Variants in MIA observed in about 807,000 individuals in gnomAD.
MIA encodes melanoma-derived growth regulatory protein.
Under a neutral mutation model 18.5 loss-of-function variants are expected in MIA, and 18 were observed. The ratio of observed to expected loss-of-function variants is 0.97; its 90% CI spans 0.67 to 1.44. The LOEUF (loss-of-function observed/expected upper bound fraction) is 1.44, where lower values mean the gene tolerates loss of function less well. Ranked by LOEUF, MIA falls within the 40% of genes most tolerant of loss-of-function variation. The pLI is 0.00. For missense variants in MIA, 158 were observed against 172.4 expected, an observed-to-expected ratio of 0.92 and a Z score of 0.47; for synonymous variants, 55 against 64.9, an observed-to-expected ratio of 0.85 and a Z score of 0.74.
upstream of MIA, chr19:40,775,387 C>T (rs2145027475): frequency 8.6e-7 from 1 of 1,159,464 alleles, no homozygotes; most frequent in Non-Finnish European, 1.2e-6. Context: ...GTTCTGGTTT[C>T]ATAGCAACTT....
In MIA at chr19:40,775,822, G is replaced by A; in HGVS notation, c.198G>A (p.Arg66=). Residue 66 remains arginine (R), a synonymous_variant, in exon 2 of 4, where the codon CGG becomes CGA. Transcript: ENST00000263369. ...ACTGCCGATTCCTGACCATTCACCG[G>A]GGCCAAGTGGTGTATGTCTTCTCCA... ...APDCRFLTIH[R]GQVVYVFSKL... 6.2e-7 allele frequency: 1 copy of A among 1,614,072 alleles called. No homozygotes were observed. Among genetic ancestry groups the A allele is most frequent in the Non-Finnish European group, 8.5e-7 (1 of 1,180,018 alleles).
upstream of MIA, chr19:40,775,370 T>G: frequency 9.7e-7 from 1 of 1,028,476 alleles, no homozygotes; most frequent in Non-Finnish European, 1.4e-6. Context: ...ACCCTATCCT[T>G]GAAATGGTTC....
chr19:40,775,450 G>C, upstream of MIA: 1 of 1,586,444 alleles, frequency 6.3e-7, no homozygotes, highest in Non-Finnish European at 8.6e-7. Context: ...ACAAGACCAA[G>C]AACACAAGTT....
chr19:40,775,400 A>C, upstream of MIA: 23 of 1,256,190 alleles, frequency 1.8e-5, no homozygotes, highest in Admixed American at 2.5e-4. Context: ...AGCAACTTCT[A>C]GGTGGTGTGG....
At position 40,777,045 on chromosome 19, in the gene MIA, C is replaced by T. The variant is rs2233158; in HGVS notation, c.338C>T (p.Thr113Ile). The T allele has an allele frequency of 1.2e-6, 2 of 1,613,134 alleles. No homozygotes were observed. Among genetic ancestry groups the T allele is most frequent in the African/African-American group, 2.7e-5 (2 of 74,844 alleles). Residue 113 changes from threonine (T) to isoleucine (I), a missense_variant, in exon 3 of 4, where the codon ACC (threonine) becomes ATC (isoleucine). Physicochemically the swap from Thr to Ile is moderately conservative, Grantham distance 89 (BLOSUM62 -1). Coordinates refer to ENST00000263369, the MANE Select transcript of MIA (RefSeq NM_006533.4). ...FPSSIVREDQ[T>I]LKPGKVDVKT... ...AGTAGCATTGTCCGAGAGGACCAGACCCTGAAACCTGGCAAAGTCGATGTG... is the reference window on the plus strand; with the variant it reads ...AGTAGCATTGTCCGAGAGGACCAGATCCTGAAACCTGGCAAAGTCGATGTG...
intron 3 of MIA, 52 bp from the exon 4 acceptor site, chr19:40,777,345 T>C: frequency 6.2e-7 from 1 of 1,601,780 alleles, no homozygotes. Flanking sequence ...CTAGATCCTT[T>C]GTGGTGTGAC....
intron 3 of MIA, 43 bp downstream of exon 3, chr19:40,777,122 C>T: frequency 1.9e-6 from 3 of 1,556,904 alleles, no homozygotes; most frequent in Non-Finnish European, 1.8e-6. Flanking sequence ...GGGGAGGACC[C>T]TTAGGTTGTG....
intron 2 of MIA, among the ~76,000 whole-genome samples, chr19:40,776,546 C>T (rs1812434708): frequency 6.6e-6 from 1 of 151,996 alleles, no homozygotes; most frequent in Non-Finnish European, 1.5e-5. Flanking sequence ...TCGAGACCAG[C>T]CTGGGCAACA....
chr19:40,775,423 A>G, upstream of MIA: 1 of 1,488,548 alleles, frequency 6.7e-7, no homozygotes, highest in Non-Finnish European at 9.2e-7. Flanking sequence ...GAAGTTTGGG[A>G]CTGGTTTAGG....
At chr19:40,775,696 G>C (rs1304238644) in intron 1 of MIA, 27 bp downstream of exon 1, 1 of 1,613,984 alleles carries the variant, frequency 6.2e-7, no homozygotes, top group African/African-American at 1.3e-5. Context: ...GAGAATTGGG[G>C]GCTTGGGCGT....
upstream of MIA, chr19:40,775,168 G>A (rs1206602741): frequency 1.1e-5 from 2 of 189,860 alleles, no homozygotes; most frequent in Non-Finnish European, 2.2e-5. Flanking sequence ...TTCTTTACAG[G>A]CTCCTCCGCT....
rs1389628329 is a variant in MIA, at chr19:40,775,616, G to A, written c.74G>A (p.Gly25Asp). ...SAFSGPGVRG[G>D]PMPKLADRKL... ...TTCTCCGGACCTGGTGTCAGGGGTG[G>A]TCCTATGCCCAAGCTGGCTGACCGG... is the stretch of plus-strand genomic sequence containing the variant. Residue 25 changes from glycine (G) to aspartate (D), a missense_variant, in exon 1 of 4, where the codon GGT becomes GAT. Transcript: ENST00000263369. The A allele has an allele frequency of 2.5e-6, 4 of 1,614,176 alleles. No individual in the cohort carries two copies. Among genetic ancestry groups the A allele is most frequent in the African/African-American group, 1.3e-5 (1 of 75,022 alleles).
In MIA at chr19:40,775,823, G is replaced by T; in HGVS notation, c.199G>T (p.Gly67Cys). The part of the protein sequence containing the change: ...PDCRFLTIHR[G>C]QVVYVFSKLK... Reference sequence around the variant, plus strand: ...CTGCCGATTCCTGACCATTCACCGGGGCCAAGTGGTGTATGTCTTCTCCAA... The same window carrying T: ...CTGCCGATTCCTGACCATTCACCGGTGCCAAGTGGTGTATGTCTTCTCCAA... The change falls in exon 2 of 4, where the codon GGC becomes TGC. Residue 67 changes from glycine to cysteine, a missense_variant. Gly to Cys is a radical substitution (Grantham distance 159). Transcript: ENST00000263369. 1.2e-6 allele frequency: 2 copies of T among 1,614,066 alleles called. No homozygotes were observed. The highest frequency in any genetic ancestry group is 8.5e-7 in the Non-Finnish European group (1 of 1,180,004).
upstream of MIA, chr19:40,775,493 A>G: frequency 6.2e-7 from 1 of 1,611,250 alleles, no homozygotes; most frequent in African/African-American, 1.3e-5. Context: ...GAGGGGAGGA[A>G]ATTGGAGACC....
In MIA at chr19:40,775,791, C is replaced by T. The variant is rs2082991416; in HGVS notation, c.167C>T (p.Ala56Val). The change falls in exon 2 of 4, where the codon GCC becomes GTC. Residue 56 changes from alanine to valine, a missense_variant. Transcript: ENST00000263369. ...GCTGTGGCCCTTCAGGACTACATGG[C>T]CCCCGACTGCCGATTCCTGACCATT... The part of the protein sequence containing the change: ...SMAVALQDYM[A>V]PDCRFLTIHR... The T allele has an allele frequency of 6.2e-7, 1 of 1,613,964 alleles. No individual in the cohort carries two copies. The highest frequency in any genetic ancestry group is 1.1e-5 in the South Asian group (1 of 91,074).
chr19:40,776,880 A>C, intron 2 of MIA, 89 bp from the exon 3 acceptor site: 1 of 825,584 alleles, frequency 1.2e-6, no homozygotes, highest in Non-Finnish European at 2.0e-6. Flanking sequence ...AGTTATGTGG[A>C]GATCAGGGAG....
In MIA at chr19:40,775,522, C is replaced by G. The variant is rs781024186; in HGVS notation, c.-21C>G. 4 of 1,613,816 alleles carry G rather than the reference C, an allele frequency of 2.5e-6. No homozygotes were observed. Among genetic ancestry groups the G allele is most frequent in the Non-Finnish European group, 3.4e-6 (4 of 1,179,966 alleles). On this transcript the variant is annotated 5_prime_UTR_variant, in exon 1 of 4. Transcript: ENST00000263369. ...GGAGACCCCAGCACCCCCTTGCTCA[C>G]TCTCTTGCTCACAGTCCACGATGGC... is the stretch of plus-strand genomic sequence containing the variant.
At chr19:40,775,365 A>G (rs2082987946), upstream of MIA, 1 of 974,800 alleles carries the variant, frequency 1.0e-6, no homozygotes, top group Admixed American at 2.3e-5. Flanking sequence ...CCTTTACCCT[A>G]TCCTTGAAAT....
upstream of MIA, chr19:40,775,364 T>C (rs2082987932): frequency 1.0e-6 from 1 of 974,364 alleles, no homozygotes; most frequent in East Asian, 2.4e-5. Context: ...GCCTTTACCC[T>C]ATCCTTGAAA....
Sources: allele counts gnomAD v4.1 joint callset (sites outside exome capture counted in the v4.1 genomes callset), GRCh38; gene constraint gnomAD v4.1.1; transcripts MANE v1.5; gene names NCBI Gene and HGNC (gene_info 2026-07-23, HGNC 2026-07-21).